ARID5B: variants seen among roughly 807,000 people sequenced by gnomAD.
ARID5B encodes the protein AT-rich interaction domain 5B.
In ARID5B, 13 loss-of-function variants were observed where a neutral mutation model predicts 97.2. The ratio of observed to expected loss-of-function variants is 0.13; its 90% CI spans 0.09 to 0.21. The LOEUF (loss-of-function observed/expected upper bound fraction) is 0.21, where lower values mean the gene tolerates loss of function less well. ARID5B is among the 10% of genes least tolerant of loss of function. ARID5B has a pLI of 1.00. For missense variants in ARID5B, 1,210 were observed against 1,465.3 expected (o/e 0.83, Z 2.84); for synonymous variants, 556 against 570.3 (o/e 0.97, Z 0.36).
intron 4 of ARID5B, among the ~76,000 whole-genome samples, chr10:62,012,770 T>C (rs1229545198): frequency 6.6e-6 from 1 of 152,256 alleles, no homozygotes; most frequent in East Asian, 1.9e-4. Context: ...GTTAAATTTC[T>C]AGTTATTATA....
chr10:61,985,078 A>G (rs1423056130), intron 3 of ARID5B, among the ~76,000 whole-genome samples: 1 of 151,826 alleles, frequency 6.6e-6, no homozygotes, highest in African/African-American at 2.4e-5. Context: ...TGGTATTTTA[A>G]TCTGCCTGGG....
At chr10:62,055,569 G>A (rs1221268635) in intron 5 of ARID5B, among the ~76,000 whole-genome samples, 1 of 152,130 alleles carries the variant, frequency 6.6e-6, no homozygotes, top group East Asian at 1.9e-4. Context: ...CTAAAATTTG[G>A]CAGTGAAAAA....
chr10:61,942,578 G>A lies in ARID5B; in HGVS notation c.502+2170G>A, dbSNP rs577945529. ...AGGCCGAGGCAGGTGGATCACCTGA[G>A]GTCAGGAGTTCAAGACCAGCCTGGC... On this transcript the variant is annotated intron_variant, in intron 3 of 9. Transcript: ENST00000279873. 1.6e-4 allele frequency among the ~76,000 whole-genome samples: 24 copies of A among 152,262 alleles called. 1 individual carries two copies. In the East Asian group the frequency reaches 3.1e-3, roughly 20 times the overall value.
At chr10:61,903,193 G>T (rs869262) in intron 2 of ARID5B, among the ~76,000 whole-genome samples, 1 of 152,070 alleles carries the variant, frequency 6.6e-6, no homozygotes, top group Non-Finnish European at 1.5e-5. Flanking sequence ...GGAGGGGAGG[G>T]CAGAGGGGTG....
chr10:62,091,207 T>G lies in ARID5B; in HGVS notation c.1744T>G (p.Phe582Val). 1 of 1,614,080 alleles carries G rather than the reference T, an allele frequency of 6.2e-7. No individual in the cohort carries two copies. Among genetic ancestry groups the G allele is most frequent in the Non-Finnish European group, 8.5e-7 (1 of 1,180,012 alleles). The part of the protein sequence containing the change: ...DSKQESKLCC[F>V]TESPESEPQE... ...AAAACAAGAATCCAAACTGTGCTGT[T>G]TTACAGAGAGCCCTGAAAGTGAACC... is the stretch of plus-strand genomic sequence containing the variant. The change falls in exon 10 of 10, where the codon TTT (phenylalanine) becomes GTT (valine). Residue 582 changes from phenylalanine (F) to valine (V), a missense_variant. Phe to Val is a conservative substitution (Grantham distance 50). Coordinates refer to ENST00000279873, the MANE Select transcript of ARID5B (RefSeq NM_032199.3).
At chr10:62,069,916 T>C in intron 8 of ARID5B, 119 bp downstream of exon 8, 1 of 987,894 alleles carries the variant, frequency 1.0e-6, no homozygotes, top group Non-Finnish European at 1.5e-6. Flanking sequence ...AATTTCCCTC[T>C]GGCATTTTAC....
In ARID5B at chr10:61,983,834, A is replaced by ATCCAAATT. The variant is rs557651442; in HGVS notation, c.503-16256_503-16249dup. Reference sequence around the variant, plus strand: ...TTTCTTCTGCATGAACCCAGTCATAATCCAAATTATATTTTTTAAACCCCC... The same window carrying ATCCAAATT: ...TTTCTTCTGCATGAACCCAGTCATAATCCAAATTTCCAAATTATATTTTTTAAACCCCC... On this transcript the variant is annotated intron_variant, in intron 3 of 9. Coordinates refer to ENST00000279873, the MANE Select transcript of ARID5B (RefSeq NM_032199.3). 5.2e-3 allele frequency among the ~76,000 whole-genome samples: 785 copies of ATCCAAATT among 150,018 alleles called. 27 individuals carry two copies. The highest frequency in any genetic ancestry group is 0.019 in the African/African-American group (750 of 39,970).
At position 62,013,793 on chromosome 10, in the gene ARID5B, G is replaced by GGT. The variant is rs1839248669; in HGVS notation, c.733+13473_733+13474dup. ...TTTAAGGCTAAATAGTATTCCATTG[G>GGT]GTATATATATATATATATATATACC... On this transcript the variant is annotated intron_variant, in intron 4 of 9. Transcript: ENST00000279873. Among the ~76,000 whole-genome samples, 3 of 64,496 alleles carry GGT rather than the reference G, an allele frequency of 4.7e-5. No individual in the cohort carries two copies. In the Admixed American group the frequency reaches 6.1e-4, roughly 13 times the overall value. 42.3% of individuals were successfully genotyped at this position (64,496 alleles called of 152,430 possible).
chr10:61,937,546 C>T (rs1318743751), intron 2 of ARID5B, among the ~76,000 whole-genome samples: 1 of 152,138 alleles, frequency 6.6e-6, no homozygotes, highest in Non-Finnish European at 1.5e-5. Context: ...TGATTAAGAG[C>T]TGGGTTAATT....
intron 2 of ARID5B, among the ~76,000 whole-genome samples, chr10:61,908,455 T>C (rs941899636): frequency 6.6e-6 from 1 of 152,058 alleles, no homozygotes; most frequent in Non-Finnish European, 1.5e-5. Flanking sequence ...ATTCATTAAA[T>C]TTCTCAGATG....
At chr10:62,052,098 T>C (rs1839798228) in intron 5 of ARID5B, among the ~76,000 whole-genome samples, 1 of 152,320 alleles carries the variant, frequency 6.6e-6, no homozygotes, top group South Asian at 2.1e-4. Context: ...GCTTAGAATT[T>C]CTTCATACTT....
chr10:62,009,846 C>G (rs373902439), intron 4 of ARID5B, among the ~76,000 whole-genome samples: 1 of 152,104 alleles, frequency 6.6e-6, no homozygotes, highest in African/African-American at 2.4e-5. Flanking sequence ...TCAGAGGAAG[C>G]CTCTTAGAGG....
chr10:61,999,482 G>A (rs1276121579), intron 3 of ARID5B, among the ~76,000 whole-genome samples: 1 of 152,144 alleles, frequency 6.6e-6, no homozygotes, highest in Admixed American at 6.6e-5. Flanking sequence ...GTAGAGTACC[G>A]GTGTTCACCC....
chr10:61,960,775 A>G (rs1338307147), intron 3 of ARID5B, among the ~76,000 whole-genome samples: 1 of 152,184 alleles, frequency 6.6e-6, no homozygotes, highest in East Asian at 1.9e-4. Context: ...GGTGCTCCGT[A>G]GGTATGTTGG....
rs1840478456 is a variant in ARID5B at position 62,096,882 on chromosome 10, A to G, written c.*3852A>G. 1 of 233,476 alleles carries G rather than the reference A, an allele frequency of 4.3e-6. No individual in the cohort carries two copies. Among genetic ancestry groups the G allele is most frequent in the Non-Finnish European group, 8.5e-6 (1 of 117,944 alleles). 14.5% of individuals were successfully genotyped at this position (233,476 alleles called of 1,614,324 possible). The stretch of plus-strand genomic sequence containing the variant: ...ATAGTTTCCCAATCACATAGCAGGC[A>G]AGAGATATTTTGTACTTTTTGATCC... On this transcript the variant is annotated 3_prime_UTR_variant, in exon 10 of 10. Coordinates refer to ENST00000279873, the MANE Select transcript of ARID5B (RefSeq NM_032199.3).
At chr10:62,075,040 T>C (rs1840109748) in intron 8 of ARID5B, among the ~76,000 whole-genome samples, 1 of 152,240 alleles carries the variant, frequency 6.6e-6, no homozygotes, top group African/African-American at 2.4e-5. Context: ...TTTAGAAAAC[T>C]CGTCTTTCAC....
At chr10:62,005,580 C>T (rs1479261456) in intron 4 of ARID5B, among the ~76,000 whole-genome samples, 1 of 152,104 alleles carries the variant, frequency 6.6e-6, no homozygotes, top group East Asian at 1.9e-4. Context: ...TTTAAAGAGG[C>T]TTTTCTATCT....
intron 3 of ARID5B, among the ~76,000 whole-genome samples, chr10:61,968,296 T>C (rs1391593178): frequency 7.9e-5 from 12 of 151,684 alleles, no homozygotes; most frequent in Admixed American, 7.9e-4. Flanking sequence ...CTATTTCATT[T>C]TTTTAAAAAC....
At chr10:61,994,663 T>C (rs1224465146) in intron 3 of ARID5B, among the ~76,000 whole-genome samples, 5 of 152,196 alleles carry the variant, frequency 3.3e-5, no homozygotes, top group African/African-American at 1.2e-4. Context: ...TGGTATACAG[T>C]TACTGTTTGA....
Sources: allele counts gnomAD v4.1 joint callset (sites outside exome capture counted in the v4.1 genomes callset), GRCh38; gene constraint gnomAD v4.1.1; transcripts MANE v1.5; gene names NCBI Gene and HGNC (gene_info 2026-07-23, HGNC 2026-07-21).